Variants in AHNAK observed in about 807,000 individuals in gnomAD.
The protein encoded by AHNAK is neuroblast differentiation-associated protein AHNAK.
In AHNAK, 23 loss-of-function variants were observed where a neutral mutation model predicts 37.8. That is an observed-to-expected ratio of 0.61 (90% CI 0.44 to 0.86). The LOEUF (loss-of-function observed/expected upper bound fraction) is 0.86. Ranked by LOEUF, AHNAK falls within the 40% of genes least tolerant of loss-of-function variation. The pLI is 0.00. For synonymous variants in AHNAK, 2,481 were observed against 2,636.3 expected, an observed-to-expected ratio of 0.94 and a Z score of 1.80; for missense variants, 7,411 against 7,319.4, an observed-to-expected ratio of 1.01 and a Z score of -0.46.
intron 1 of AHNAK, among the ~76,000 whole-genome samples, chr11:62,539,125 C>T (rs764027286): frequency 6.6e-6 from 1 of 152,176 alleles, no homozygotes; most frequent in African/African-American, 2.4e-5. Flanking sequence ...GAGAAGGCTG[C>T]GACAGGAAAT....
In AHNAK at chr11:62,521,547, T is replaced by C. The variant is rs371980077; in HGVS notation, c.12870A>G (p.Glu4290=). ...PKVEGDLKGP[E]VDIKGPKVDI... ...CCACTTTGGGGCCCTTGATGTCAAC[T>C]TCTGGGCCCTTGAGGTCACCTTCCA... Residue 4290 remains glutamate (E), a synonymous_variant, in exon 5 of 5, where the codon GAA becomes GAG. Coordinates refer to ENST00000378024, the MANE Select transcript of AHNAK (RefSeq NM_001620.3). The C allele has an allele frequency of 1.9e-6, 3 of 1,612,658 alleles. No individual in the cohort carries two copies. The highest frequency in any genetic ancestry group is 2.5e-6 in the Non-Finnish European group (3 of 1,179,668).
At chr11:62,471,298 G>A (rs971172460) in intron 5 of AHNAK, among the ~76,000 whole-genome samples, 14 of 152,056 alleles carry the variant, frequency 9.2e-5, no homozygotes, top group African/African-American at 3.4e-4. Flanking sequence ...CAACTAGGGG[G>A]GGCTTCCACT....
chr11:62,445,039 T>C (rs1052568619), intron 5 of AHNAK, among the ~76,000 whole-genome samples: 1 of 152,140 alleles, frequency 6.6e-6, no homozygotes, highest in African/African-American at 2.4e-5. Flanking sequence ...CTACCCCACG[T>C]GCTGGATAAA....
intron 5 of AHNAK, among the ~76,000 whole-genome samples, chr11:62,474,559 T>C (rs1204798533): frequency 6.6e-6 from 1 of 151,570 alleles, no homozygotes; most frequent in African/African-American, 2.4e-5. Flanking sequence ...TTGCTGCCGC[T>C]TCTTAGCTGC....
Position 62,533,710 on chromosome 11 carries a change from A to G in AHNAK, c.707T>C (p.Leu236Pro). The G allele has an allele frequency of 6.2e-7, 1 of 1,613,978 alleles. No homozygotes were observed. The highest frequency in any genetic ancestry group is 1.1e-5 in the South Asian group (1 of 91,070). ...GAGCTTCGAGTGGCCAGCACCTTGG[A>G]GCTCTGGTCCTGAAGCAGAAATGGC... ...AGAISASGPE[L>P]QGAGHSKLQV... The change falls in exon 5 of 5, where the codon CTC (leucine) becomes CCC (proline). Residue 236 changes from leucine (L) to proline (P), a missense_variant. Physicochemically the swap from Leu to Pro is moderately conservative, Grantham distance 98. Transcript: ENST00000378024.
Position 62,450,218 on chromosome 11 carries a change from T to C in AHNAK, c.443-16327A>G, listed in dbSNP as rs149454846. 4.4e-3 allele frequency among the ~76,000 whole-genome samples: 667 copies of C among 152,098 alleles called. 5 individuals carry two copies. The highest frequency in any genetic ancestry group is 0.015 in the African/African-American group (641 of 41,518). ...TCATCCAGGCTGCAGTGCAATGGTG[T>C]GATCTCACGGCACACGGCAACCTCT... On this transcript the variant is annotated intron_variant, in intron 5 of 5. Coordinates refer to the AHNAK transcript ENST00000257247.
rs1318285172 is a variant in AHNAK at position 62,526,513 on chromosome 11, T to C, written c.7904A>G (p.His2635Arg). ...PDVGVQGPDW[H>R]LKMPKVKMPK... Reference sequence around the variant, plus strand: ...CATTTTCACCTTGGGCATCTTCAGGTGCCAGTCTGGGCCTTGAACACCCAC... The same window carrying C: ...CATTTTCACCTTGGGCATCTTCAGGCGCCAGTCTGGGCCTTGAACACCCAC... Residue 2635 changes from histidine (H) to arginine (R), a missense_variant, in exon 5 of 5, where the codon CAC becomes CGC. Coordinates refer to ENST00000378024, the MANE Select transcript of AHNAK (RefSeq NM_001620.3). The C allele has an allele frequency of 1.9e-6, 3 of 1,612,974 alleles. No individual in the cohort carries two copies. The highest frequency in any genetic ancestry group is 2.5e-6 in the Non-Finnish European group (3 of 1,179,774).
chr11:62,510,827 A>G (rs563456910), intron 4 of AHNAK, among the ~76,000 whole-genome samples: 16 of 152,230 alleles, frequency 1.1e-4, no homozygotes, highest in African/African-American at 3.9e-4. Context: ...AGTAAATGTT[A>G]GCAATTGGTG....
intron 1 of AHNAK, among the ~76,000 whole-genome samples, chr11:62,544,207 G>A (rs1941229748): frequency 6.6e-6 from 1 of 152,080 alleles, no homozygotes; most frequent in African/African-American, 2.4e-5. Flanking sequence ...ATGACTCCGG[G>A]GACCCCCAGC....
rs1590653109 is a variant in AHNAK, at chr11:62,520,633, A to G, written c.13784T>C (p.Met4595Thr). The G allele has an allele frequency of 6.2e-7, 1 of 1,614,006 alleles. No homozygotes were observed. Among genetic ancestry groups the G allele is most frequent in the East Asian group, 2.2e-5 (1 of 44,882 alleles). Residue 4595 changes from methionine (M) to threonine (T), a missense_variant, in exon 5 of 5, where the codon ATG becomes ACG. By Grantham distance (81) the Met-to-Thr change is moderately conservative. Coordinates refer to ENST00000378024, the MANE Select transcript of AHNAK (RefSeq NM_001620.3). ...TTTCAGATTCAGGTCAACTTCAGGCATAGAGATCTTCGGTGCCTTGAGGTG... is the reference window on the plus strand; with the variant it reads ...TTTCAGATTCAGGTCAACTTCAGGCGTAGAGATCTTCGGTGCCTTGAGGTG... ...DLHLKAPKISMPEVDLNLKGP... is the reference protein window; with the variant it reads ...DLHLKAPKISTPEVDLNLKGP...
intron 4 of AHNAK, among the ~76,000 whole-genome samples, chr11:62,504,869 G>C (rs1939781399): frequency 6.6e-6 from 1 of 152,130 alleles, no homozygotes; most frequent in Non-Finnish European, 1.5e-5. Context: ...GGGCTAAAAG[G>C]CTCTGCCGTT....
At chr11:62,510,685 G>A (rs1453144952) in intron 4 of AHNAK, among the ~76,000 whole-genome samples, 1 of 151,870 alleles carries the variant, frequency 6.6e-6, no homozygotes, top group Non-Finnish European at 1.5e-5. Context: ...TGGAGGTTGT[G>A]GTGAGCCAAG....
downstream of AHNAK, among the ~76,000 whole-genome samples, chr11:62,511,442 G>A (rs181697604): frequency 2.1e-3 from 326 of 152,070 alleles, no homozygotes; most frequent in Non-Finnish European, 3.7e-3. Flanking sequence ...TTTTAGTAGA[G>A]ACGGGGTATC....
chr11:62,515,070 C>A (rs1430173147), downstream of AHNAK, among the ~76,000 whole-genome samples: 2 of 152,188 alleles, frequency 1.3e-5, no homozygotes, highest in East Asian at 3.8e-4. Flanking sequence ...CCAGCAATGA[C>A]CAACATTAGG....
intron 5 of AHNAK, among the ~76,000 whole-genome samples, chr11:62,447,282 G>A (rs139290399): frequency 6.6e-6 from 1 of 152,076 alleles, no homozygotes; most frequent in African/African-American, 2.4e-5. Context: ...GAGATTTTTT[G>A]ATTTCACCAA....
downstream of AHNAK, among the ~76,000 whole-genome samples, chr11:62,511,874 A>G (rs1205752338): frequency 1.3e-5 from 2 of 152,002 alleles, no homozygotes; most frequent in Non-Finnish European, 2.9e-5. Context: ...TCTGAGATGG[A>G]GTCTTGCTCT....
intron 4 of AHNAK, among the ~76,000 whole-genome samples, chr11:62,505,913 TGC>T (rs1217771554): frequency 6.8e-6 from 1 of 146,624 alleles, no homozygotes; most frequent in Non-Finnish European, 1.5e-5. Flanking sequence ...CCGGGCCGGG[TGC>T]GGTGGCTCAT....
chr11:62,512,006 G>A (rs748188058), downstream of AHNAK, among the ~76,000 whole-genome samples: 2 of 152,076 alleles, frequency 1.3e-5, no homozygotes, highest in African/African-American at 2.4e-5. This position sits in a 1 kb window ranked among gnomAD's most constrained non-coding sequence, Gnocchi z 4.0. Flanking sequence ...GCACCACCAC[G>A]CCCAGCTAAT....
At chr11:62,443,086 C>T (rs1210435333) in intron 5 of AHNAK, among the ~76,000 whole-genome samples, 3 of 151,180 alleles carry the variant, frequency 2.0e-5, no homozygotes, top group Non-Finnish European at 4.4e-5. Flanking sequence ...ATTCTCCTGC[C>T]TCAGCCTCCC....
Sources: allele counts gnomAD v4.1 joint callset (sites outside exome capture counted in the v4.1 genomes callset), GRCh38; gene constraint gnomAD v4.1.1; non-coding constraint Gnocchi (gnomAD v3.1); transcripts MANE v1.5; gene names NCBI Gene and HGNC (gene_info 2026-07-23, HGNC 2026-07-21).